The following B3GALT9 variants were observed in gnomAD, a reference collection of about 807,000 sequenced individuals.
B3GALT9 encodes UDP-GlcNAc:betaGal beta-1,3-N-acetylglucosaminyltransferase 10 (putative).
At position 120,800,877 on chromosome 9, in the gene B3GALT9, C is replaced by G. The variant is rs2044966196; in HGVS notation, c.*1199C>G. 2.0e-5 allele frequency among the ~76,000 whole-genome samples: 3 copies of G among 152,200 alleles called. No individual in the cohort carries two copies. The South Asian group carries it at 6.2e-4, about 31-fold the overall frequency. ...CTTGGCCATATCTGCCAAGTTTTCC[C>G]AACCCCCAGTCTCTGGTAACCTCCA... On this transcript the variant is annotated 3_prime_UTR_variant, in exon 3 of 3. Transcript: ENST00000689072.
At chr9:120,795,082 C>T (rs145960096) in intron 1 of B3GALT9, among the ~76,000 whole-genome samples, 137 of 152,264 alleles carry the variant, frequency 9.0e-4, no homozygotes, top group African/African-American at 3.1e-3. Context: ...AAGTCAACTA[C>T]GGTGTCCTAA....
Position 120,799,637 on chromosome 9 carries a change from A to G in B3GALT9, c.1069A>G (p.Met357Val), listed in dbSNP as rs760112329. ...CCTTGACAGCTTTAAACGTTTTCAC[A>G]TGGGGACCATAAAAAACAATCTCAT... ...TYLDSFKRFH[M>V]GTIKNNLMYF... is the part of the protein sequence containing the mutation. Residue 357 changes from methionine (M) to valine (V), a missense_variant, in exon 3 of 3, where the codon ATG (methionine) becomes GTG (valine). Met to Val is a conservative substitution (Grantham distance 21, BLOSUM62 1). Transcript: ENST00000689072. 2.0e-5 allele frequency: 8 copies of G among 399,290 alleles called. No individual in the cohort carries two copies. The highest frequency in any genetic ancestry group is 3.1e-5 in the Non-Finnish European group (7 of 226,170). The allele number at this position is 399,290 out of a possible 1,614,324, so 24.7% of individuals were successfully genotyped here.
In B3GALT9 at chr9:120,799,863, T is replaced by G; in HGVS notation, c.*185T>G. 2.6e-6 allele frequency: 1 copy of G among 388,890 alleles called. No individual in the cohort carries two copies. Among genetic ancestry groups the G allele is most frequent in the Non-Finnish European group, 4.5e-6 (1 of 220,788 alleles). The allele number at this position is 388,890 out of a possible 1,614,324, so 24.1% of individuals were successfully genotyped here. On this transcript the variant is annotated 3_prime_UTR_variant, in exon 3 of 3. Transcript: ENST00000689072. ...ACTGAGATCTCAAATTTTTAAAAAA[T>G]TTAAGTTGGTGTAGCATAATTCTTT...
At position 120,797,442 on chromosome 9, in the gene B3GALT9, G is replaced by C. The variant is rs559094606; in HGVS notation, c.6+833G>C. 2.0e-5 allele frequency among the ~76,000 whole-genome samples: 3 copies of C among 151,760 alleles called. No individual in the cohort carries two copies. The South Asian group carries it at 6.2e-4, about 32-fold the overall frequency. ...AATCCCTTGAACCCAGGAGGCAGAG[G>C]TTGCAGTGAGCCAAGATCGCACCAC... On this transcript the variant is annotated intron_variant, in intron 2 of 2. Transcript: ENST00000689072.
chr9:120,793,769 A>T lies in B3GALT9; in HGVS notation c.-335A>T. 1 of 397,110 alleles carries T rather than the reference A, an allele frequency of 2.5e-6. No homozygotes were observed. Among genetic ancestry groups the T allele is most frequent in the Non-Finnish European group, 4.4e-6 (1 of 225,378 alleles). 24.6% of individuals were successfully genotyped at this position (397,110 alleles called of 1,614,324 possible). On this transcript the variant is annotated 5_prime_UTR_variant, in exon 1 of 3. Transcript: ENST00000689072. ...TAAGAGACGTGTCCAAATTCATACA[A>T]CCTGTTGGGCACCTCTTTATCCCGA...
rs148972213 is a variant in B3GALT9 at position 120,793,537 on chromosome 9, C to T, written c.-567C>T. ...CCGGGAGTAGGGGTGGGGAGAAGAG[C>T]GTCCCGGGAAGCTGAACGCGTGCCG... On this transcript the variant is annotated 5_prime_UTR_variant, in exon 1 of 3. Coordinates refer to ENST00000689072, the MANE Select transcript of B3GALT9 (RefSeq NM_001386823.1). 1 of 399,430 alleles carries T rather than the reference C, an allele frequency of 2.5e-6. No individual in the cohort carries two copies. The highest frequency in any genetic ancestry group is 4.4e-6 in the Non-Finnish European group (1 of 226,664). The allele number at this position is 399,430 out of a possible 1,614,324, so 24.7% of individuals were successfully genotyped here. A position where few individuals can be genotyped will look rare whatever the true frequency, so the allele number is the denominator to read the frequency against.
intron 1 of B3GALT9, among the ~76,000 whole-genome samples, chr9:120,794,936 T>G (rs996433797): frequency 6.6e-6 from 1 of 152,186 alleles, no homozygotes; most frequent in African/African-American, 2.4e-5. Flanking sequence ...CCATGCTTGA[T>G]AGCACAGTCC....
chr9:120,795,980 A>T (rs1041415789), intron 1 of B3GALT9, among the ~76,000 whole-genome samples: 3 of 152,184 alleles, frequency 2.0e-5, no homozygotes, highest in African/African-American at 7.2e-5. Flanking sequence ...CTTAAAATTG[A>T]TTTAGTAAAG....
rs140716868 is a variant in B3GALT9, at chr9:120,801,590, A to G, written c.*1912A>G. Among the ~76,000 whole-genome samples, 2,087 of 152,266 alleles carry G rather than the reference A, an allele frequency of 0.014. 43 individuals carry two copies. The highest frequency in any genetic ancestry group is 0.047 in the African/African-American group (1,971 of 41,542). On this transcript the variant is annotated 3_prime_UTR_variant, in exon 3 of 3. Coordinates refer to ENST00000689072, the MANE Select transcript of B3GALT9 (RefSeq NM_001386823.1). ...CCCGCCTCTACTAAACATACAAAAA[A>G]TTAGCTGGACCCGGTGGTACGTGCC...
Position 120,800,812 on chromosome 9 carries a change from C to T in B3GALT9, c.*1134C>T, listed in dbSNP as rs1020633019. Among the ~76,000 whole-genome samples, 1 of 152,182 alleles carries T rather than the reference C, an allele frequency of 6.6e-6. No homozygotes were observed. Among genetic ancestry groups the T allele is most frequent in the Non-Finnish European group, 1.5e-5 (1 of 68,032 alleles). ...CATGACCATGATGTATGATAGAGCT[C>T]TTGAACTTATTCCTCATGTCTAACA... On this transcript the variant is annotated 3_prime_UTR_variant, in exon 3 of 3. Coordinates refer to ENST00000689072, the MANE Select transcript of B3GALT9 (RefSeq NM_001386823.1).
Position 120,796,491 on chromosome 9 carries a change from C to T in B3GALT9, c.-113C>T, listed in dbSNP as rs189929494. ...AACCTTATCCTCAAAAGTTGAGGCA[C>T]AAAGTACTTTACTGCAATTGCTGTT... On this transcript the variant is annotated 5_prime_UTR_variant, in exon 2 of 3. Coordinates refer to ENST00000689072, the MANE Select transcript of B3GALT9 (RefSeq NM_001386823.1). 1 of 152,214 alleles carries T rather than the reference C, an allele frequency of 6.6e-6. No homozygotes were observed. Among genetic ancestry groups the T allele is most frequent in the Non-Finnish European group, 1.5e-5 (1 of 68,046 alleles). 9.4% of individuals were successfully genotyped at this position (152,214 alleles called of 1,614,324 possible). A position where few individuals can be genotyped will look rare whatever the true frequency, so the allele number is the denominator to read the frequency against.
At position 120,796,607 on chromosome 9, in the gene B3GALT9, C is replaced by A. The variant is rs1258886229; in HGVS notation, c.4C>A (p.Gln2Lys). The change falls in exon 2 of 3, where the codon CAA becomes AAA. Residue 2 changes from glutamine (Q) to lysine (K), a missense_variant and splice_region_variant. Physicochemically the swap from Gln to Lys is moderately conservative, Grantham distance 53 (BLOSUM62 1). Transcript: ENST00000689072. M[Q>K]VTFCRLRTHQ... Reference sequence around the variant, plus strand: ...CCTGAAGTTGCTCACAGGCAACATGCAAGTAAGTTTCTTACAATCTTTAAA... The same window carrying A: ...CCTGAAGTTGCTCACAGGCAACATGAAAGTAAGTTTCTTACAATCTTTAAA... 6.6e-6 allele frequency: 1 copy of A among 152,032 alleles called. No individual in the cohort carries two copies. The highest frequency in any genetic ancestry group is 2.4e-5 in the African/African-American group (1 of 41,386). The allele number at this position is 152,032 out of a possible 1,614,324, so 9.4% of individuals were successfully genotyped here.
chr9:120,795,478 T>G (rs2044933881), intron 1 of B3GALT9, among the ~76,000 whole-genome samples: 1 of 152,234 alleles, frequency 6.6e-6, no homozygotes, highest in Non-Finnish European at 1.5e-5. Context: ...ACGTAATATT[T>G]AATTAAATAC....
chr9:120,797,971 CAGAT>C (rs1167659160), intron 2 of B3GALT9, among the ~76,000 whole-genome samples: 1 of 152,146 alleles, frequency 6.6e-6, no homozygotes, highest in Non-Finnish European at 1.5e-5. Flanking sequence ...ATGGAAATGT[CAGAT>C]AGATTAGGAG....
At position 120,793,877 on chromosome 9, in the gene B3GALT9, AAGACAGAT is replaced by A. The variant is rs2044910780; in HGVS notation, c.-225_-218del. Reference sequence around the variant, plus strand: ...GGGCCTTACATCTATTAGGAGGAGGAAGACAGATAAACTAAGGCTCGTGCAAAGGAGAA... The same window carrying A: ...GGGCCTTACATCTATTAGGAGGAGGAAAACTAAGGCTCGTGCAAAGGAGAA... On this transcript the variant is annotated 5_prime_UTR_variant, in exon 1 of 3. Coordinates refer to ENST00000689072, the MANE Select transcript of B3GALT9 (RefSeq NM_001386823.1). The A allele has an allele frequency of 2.6e-6, 1 of 382,180 alleles. No individual in the cohort carries two copies. The highest frequency in any genetic ancestry group is 1.5e-4 in the South Asian group (1 of 6,868). 23.7% of individuals were successfully genotyped at this position (382,180 alleles called of 1,614,324 possible).
chr9:120,801,376 A>G lies in B3GALT9; in HGVS notation c.*1698A>G, dbSNP rs1488082624. On this transcript the variant is annotated 3_prime_UTR_variant, in exon 3 of 3. Coordinates refer to ENST00000689072, the MANE Select transcript of B3GALT9 (RefSeq NM_001386823.1). ...TAGTGGTATTGAGCATTTTTTTTTC[A>G]TATACCTGTTGGCCATTTGTACTTC... is the stretch of plus-strand genomic sequence containing the variant. 6.6e-6 allele frequency among the ~76,000 whole-genome samples: 1 copy of G among 151,676 alleles called. No homozygotes were observed. Among genetic ancestry groups the G allele is most frequent in the Non-Finnish European group, 1.5e-5 (1 of 67,952 alleles).
At chr9:120,796,726 T>C (rs968390919) in intron 2 of B3GALT9, 117 bp downstream of exon 2, 13 of 152,218 alleles carry the variant, frequency 8.5e-5, no homozygotes, top group African/African-American at 3.1e-4. Flanking sequence ...TTATAATTGC[T>C]GGGTTTTTTT....
chr9:120,796,254 C>G (rs1210733634), intron 1 of B3GALT9, among the ~76,000 whole-genome samples, 169 bp from the exon 2 acceptor site: 1 of 152,192 alleles, frequency 6.6e-6, no homozygotes, highest in Non-Finnish European at 1.5e-5. Flanking sequence ...ATCTGGGTAA[C>G]TGTTCTTTGA....
In B3GALT9 at chr9:120,799,673, G is replaced by A; in HGVS notation, c.1105G>A (p.Asp369Asn). The A allele has an allele frequency of 5.0e-6, 2 of 398,840 alleles. No homozygotes were observed. The highest frequency in any genetic ancestry group is 8.8e-6 in the Non-Finnish European group (2 of 226,070). 24.7% of individuals were successfully genotyped at this position (398,840 alleles called of 1,614,324 possible). A position where few individuals can be genotyped will look rare whatever the true frequency, so the allele number is the denominator to read the frequency against. ...AAAAAACAATCTCATGTATTTTGCTGATTAGGATTTCTTTAATTTTCCTTA... is the reference window on the plus strand; with the variant it reads ...AAAAAACAATCTCATGTATTTTGCTAATTAGGATTTCTTTAATTTTCCTTA... Reference protein sequence around the residue: ...TIKNNLMYFAD With the variant: ...TIKNNLMYFAN The change falls in exon 3 of 3, where the codon GAT becomes AAT. Residue 369 changes from aspartate to asparagine, a missense_variant. Physicochemically the swap from Asp to Asn is conservative, Grantham distance 23. Coordinates refer to ENST00000689072, the MANE Select transcript of B3GALT9 (RefSeq NM_001386823.1).
Sources: allele counts gnomAD v4.1 joint callset (sites outside exome capture counted in the v4.1 genomes callset), GRCh38; gene constraint gnomAD v4.1.1; transcripts MANE v1.5; gene names NCBI Gene and HGNC (gene_info 2026-07-23, HGNC 2026-07-21).